RMDN2: variants seen among roughly 807,000 people sequenced by gnomAD.
RMDN2 encodes the protein regulator of microtubule dynamics 2, also known as regulator of microtubule dynamics protein 2.
In RMDN2, 61 loss-of-function variants were observed where a neutral mutation model predicts 52.8. The observed-to-expected ratio is 1.16, with a 90% CI of 0.94 to 1.43. RMDN2 has a LOEUF of 1.43. RMDN2 is among the 40% of genes most tolerant of loss of function. The pLI, the probability that RMDN2 is intolerant of heterozygous loss-of-function variation, is 0.00. For synonymous variants in RMDN2, 180 were observed against 153.1 expected (o/e 1.18, Z -1.30); for missense variants, 592 against 475.3 (o/e 1.25, Z -2.28).
At chr2:38,056,682 T>C (rs927156560) in intron 10 of RMDN2, among the ~76,000 whole-genome samples, 1 of 152,220 alleles carries the variant, frequency 6.6e-6, no homozygotes, top group African/African-American at 2.4e-5. Flanking sequence ...GAATTTTGTT[T>C]GATTAGGTGC....
intron 2 of RMDN2, chr2:37,951,154 A>G: frequency 7.4e-7 from 1 of 1,348,296 alleles, no homozygotes; most frequent in South Asian, 1.5e-5. Context: ...AAAGGTGGAT[A>G]TTATTCTTCA....
chr2:38,038,869 G>A (rs1680766922), intron 10 of RMDN2, among the ~76,000 whole-genome samples: 1 of 152,002 alleles, frequency 6.6e-6, no homozygotes, highest in Non-Finnish European at 1.5e-5. Context: ...TCCCATCCCT[G>A]CCCTGATAGG....
chr2:37,996,226 C>T (rs546199973), intron 7 of RMDN2, among the ~76,000 whole-genome samples: 7 of 151,858 alleles, frequency 4.6e-5, no homozygotes, highest in African/African-American at 1.5e-4. Flanking sequence ...AAGTTCAAAG[C>T]GAAGCAAAAA....
intron 4 of RMDN2, among the ~76,000 whole-genome samples, chr2:37,978,297 G>C (rs1672823898): frequency 7.3e-6 from 1 of 136,276 alleles, no homozygotes; most frequent in African/African-American, 2.8e-5. Flanking sequence ...CTCGGCATCA[G>C]AGGGAGACCG....
intron 7 of RMDN2, 70 bp downstream of exon 7, chr2:37,991,367 CTT>C (rs1674767410): frequency 1.3e-6 from 1 of 753,616 alleles, no homozygotes; most frequent in African/African-American, 1.8e-5. Flanking sequence ...TTTTCAATGA[CTT>C]ATTGTTTTAT....
At chr2:37,972,467 A>C (rs960779878) in intron 2 of RMDN2, among the ~76,000 whole-genome samples, 4 of 152,196 alleles carry the variant, frequency 2.6e-5, no homozygotes, top group African/African-American at 9.7e-5. Context: ...GCAAGCAGGA[A>C]AGTGATAGAA....
intron 10 of RMDN2, among the ~76,000 whole-genome samples, chr2:38,042,168 G>A (rs1207714320): frequency 3.3e-5 from 5 of 152,090 alleles, no homozygotes; most frequent in Non-Finnish European, 5.9e-5. Context: ...CTTTGTGTGT[G>A]TTTTGATAGT....
intron 5 of RMDN2, among the ~76,000 whole-genome samples, chr2:37,983,610 C>A (rs1673611585): frequency 6.6e-6 from 1 of 151,754 alleles, no homozygotes. Context: ...ATACTATATC[C>A]CACTGAATGC....
At position 37,980,794 on chromosome 2, in the gene RMDN2, CT is replaced by C. The variant is rs1205313725; in HGVS notation, c.731-478del. 2.7e-3 allele frequency among the ~76,000 whole-genome samples: 400 copies of C among 146,324 alleles called. 2 individuals carry two copies. Among genetic ancestry groups the C allele is most frequent in the African/African-American group, 7.6e-3 (307 of 40,270 alleles). The stretch of plus-strand genomic sequence containing the variant: ...GCTGTGCCCTCTTTTTCACCTTGGT[CT>C]TTTTTTTTTTCTTGCATGTAACTTA... On this transcript the variant is annotated intron_variant, in intron 4 of 10. Transcript: ENST00000354545.
At chr2:37,934,311 TTC>T (rs1378798274) in intron 2 of RMDN2, among the ~76,000 whole-genome samples, 1 of 152,218 alleles carries the variant, frequency 6.6e-6, no homozygotes, top group African/African-American at 2.4e-5. Context: ...ATCTCTTGTA[TTC>T]TGTCTCTTAG....
intron 5 of RMDN2, among the ~76,000 whole-genome samples, chr2:37,989,095 G>A (rs1039266308): frequency 3.3e-5 from 5 of 151,894 alleles, no homozygotes; most frequent in African/African-American, 4.8e-5. Flanking sequence ...TTTAAAGGAG[G>A]GAATGAATTT....
chr2:37,985,122 T>A (rs1289917471), intron 5 of RMDN2, among the ~76,000 whole-genome samples: 2 of 151,830 alleles, frequency 1.3e-5, no homozygotes, highest in South Asian at 2.1e-4. Context: ...AATCATGGGG[T>A]TTTTTTTCCC....
rs143430681 is a variant in RMDN2 at position 37,950,244 on chromosome 2, G to A, written c.452+20515G>A. On this transcript the variant is annotated intron_variant, in intron 2 of 10. Transcript: ENST00000354545. ...GAGAGATGGTCCAAGGTAAAGGATT[G>A]TACAGCTGTCATATATGTTATTGTC... is the stretch of plus-strand genomic sequence containing the variant. 495 of 436,784 alleles carry A rather than the reference G, an allele frequency of 1.1e-3. 2 individuals are homozygous for A. The highest frequency in any genetic ancestry group is 8.7e-3 in the African/African-American group (433 of 49,870). 27.1% of individuals were successfully genotyped at this position (436,784 alleles called of 1,614,324 possible).
At chr2:37,981,446 G>A in intron 5 of RMDN2, 103 bp downstream of exon 5, 2 of 740,984 alleles carry the variant, frequency 2.7e-6, no homozygotes, top group South Asian at 3.3e-5. Context: ...TAATCTGTCA[G>A]TCACATTCAC....
intron 10 of RMDN2, chr2:38,036,609 A>G (rs1338790006): frequency 1.3e-5 from 2 of 152,152 alleles, no homozygotes; most frequent in African/African-American, 4.8e-5. Flanking sequence ...CTTCATTTAC[A>G]TTCATCTTGG....
rs1172680444 is a variant in RMDN2, at chr2:38,017,280, C to A, written c.*41C>A. ...CTTCAACAAATCAGATGTGGTCTAC[C>A]AAAATTTAAATGAATCAAAGTTGTG... is the stretch of plus-strand genomic sequence containing the variant. On this transcript the variant is annotated 3_prime_UTR_variant, in exon 11 of 11. Coordinates refer to ENST00000354545, the MANE Select transcript of RMDN2 (RefSeq NM_001170791.3). 8 of 1,474,116 alleles carry A rather than the reference C, an allele frequency of 5.4e-6. No homozygotes were observed. The South Asian group carries it at 7.1e-5, about 13-fold the overall frequency. The allele number at this position is 1,474,116 out of a possible 1,614,324, so 91.3% of individuals were successfully genotyped here.
chr2:38,064,319 G>C (rs1490594099), intron 10 of RMDN2, among the ~76,000 whole-genome samples: 1 of 151,956 alleles, frequency 6.6e-6, no homozygotes, highest in African/African-American at 2.4e-5. Flanking sequence ...GTGAAACCTC[G>C]TGTCTACTAA....
At position 37,929,634 on chromosome 2, in the gene RMDN2, G is replaced by C; in HGVS notation, c.357G>C (p.Lys119Asn). ...DELGGKITVH[K>N]ISPQHRARKR... ...TTGGAGGGAAAATAACTGTTCATAA[G>C]ATAAGCCCTCAGCACAGAGCGAGAA... The change falls in exon 2 of 11, where the codon AAG becomes AAC. Residue 119 changes from lysine to asparagine, a missense_variant. Physicochemically the swap from Lys to Asn is moderately conservative, Grantham distance 94 (BLOSUM62 0). Coordinates refer to ENST00000354545, the MANE Select transcript of RMDN2 (RefSeq NM_001170791.3). 3 of 1,551,596 alleles carry C rather than the reference G, an allele frequency of 1.9e-6. 1 individual carries two copies. The highest frequency in any genetic ancestry group is 3.3e-4 in the Middle Eastern group (2 of 5,992).
chr2:37,990,999 A>C (rs1674714719), intron 6 of RMDN2, among the ~76,000 whole-genome samples: 2 of 152,224 alleles, frequency 1.3e-5, no homozygotes, highest in African/African-American at 4.8e-5. Context: ...GCTTTAAATT[A>C]CACATAGCTT....
Sources: allele counts gnomAD v4.1 joint callset (sites outside exome capture counted in the v4.1 genomes callset), GRCh38; gene constraint gnomAD v4.1.1; transcripts MANE v1.5; gene names NCBI Gene and HGNC (gene_info 2026-07-23, HGNC 2026-07-21).